The following GSE1 variants were observed in gnomAD, a reference collection of about 807,000 sequenced individuals.
The protein encoded by GSE1 is Gse1 coiled-coil protein, also known as genetic suppressor element 1.
A neutral mutation model predicts 112.6 loss-of-function variants in GSE1; 32 were observed. The observed-to-expected ratio is 0.28, with a 90% CI of 0.21 to 0.38. The LOEUF (loss-of-function observed/expected upper bound fraction) is 0.38, where lower values mean the gene tolerates loss of function less well. GSE1 is among the 10% of genes least tolerant of loss of function. The pLI is 1.00. For missense variants in GSE1, 2,348 were observed against 1,699.2 expected, an observed-to-expected ratio of 1.38 and a Z score of -6.71; for synonymous variants, 1,115 against 735.6, an observed-to-expected ratio of 1.52 and a Z score of -8.35.
At chr16:85,299,917 C>T (rs2045471907) in intron 1 of GSE1, among the ~76,000 whole-genome samples, 1 of 135,672 alleles carries the variant, frequency 7.4e-6, no homozygotes, top group Non-Finnish European at 1.5e-5. Flanking sequence ...GCCTGGGTGA[C>T]AGAGTGAGAC....
intron 1 of GSE1, chr16:85,306,167 AAG>A (rs2045672655): frequency 6.5e-6 from 1 of 154,186 alleles, no homozygotes; most frequent in Non-Finnish European, 1.5e-5. Context: ...CTGCTCTAGA[AAG>A]AGAGAACCTT....
At chr16:85,670,288 A>G (rs570308376) in intron 14 of GSE1, among the ~76,000 whole-genome samples, 2 of 152,256 alleles carry the variant, frequency 1.3e-5, no homozygotes, top group Admixed American at 6.5e-5. Context: ...AGTGCTGCCA[A>G]AGAGAGGCAC....
rs1321657827 is a variant in GSE1 at position 85,466,699 on chromosome 16, T to TAG, written c.2464+109057_2464+109058insGA. ...TTAAAAAAAAAAAGAAATATATATATATAGAGAGAGAGAGGGAGAGAGGGA... is the reference window on the plus strand; with the variant it reads ...TTAAAAAAAAAAAGAAATATATATATAGATAGAGAGAGAGAGGGAGAGAGGGA... On this transcript the variant is annotated intron_variant, in intron 2 of 2. Coordinates refer to the GSE1 transcript ENST00000637419. Among the ~76,000 whole-genome samples the TAG allele has an allele frequency of 1.2e-4, 14 of 121,248 alleles. 1 individual carries two copies. Among genetic ancestry groups the TAG allele is most frequent in the South Asian group, 1.0e-3 (4 of 3,882 alleles). The allele number at this position is 121,248 out of a possible 152,430, so 79.5% of individuals were successfully genotyped here. A position where few individuals can be genotyped will look rare whatever the true frequency, so the allele number is the denominator to read the frequency against.
intron 1 of GSE1, among the ~76,000 whole-genome samples, chr16:85,616,182 C>T (rs1598395388): frequency 6.6e-6 from 1 of 151,932 alleles, no homozygotes; most frequent in Non-Finnish European, 1.5e-5. Flanking sequence ...CCCTTCCAAC[C>T]CCTGGAGTCC....
At chr16:85,353,416 A>G (rs2046889631) in intron 1 of GSE1, among the ~76,000 whole-genome samples, 1 of 152,088 alleles carries the variant, frequency 6.6e-6, no homozygotes, top group Admixed American at 6.5e-5. Flanking sequence ...AGACCGTTTG[A>G]TGGACTGCCA....
At chr16:85,425,323 A>AGGTGGTGACG (rs56027378) in intron 2 of GSE1, among the ~76,000 whole-genome samples, 1 of 151,754 alleles carries the variant, frequency 6.6e-6, no homozygotes, top group Non-Finnish European at 1.5e-5. Flanking sequence ...AGGTGGTGAC[A>AGGTGGTGACG]GCAGGAAGCA....
rs549761537 is a variant in GSE1, at chr16:85,498,050, G to C, written c.2465-135864G>C. Among the ~76,000 whole-genome samples, 12 of 152,224 alleles carry C rather than the reference G, an allele frequency of 7.9e-5. No homozygotes were observed. The South Asian group carries it at 1.0e-3, about 13-fold the overall frequency. On this transcript the variant is annotated intron_variant, in intron 2 of 2. Coordinates refer to the GSE1 transcript ENST00000637419. ...CAGGAGCACCACACCTCAGTGGGGT[G>C]GGGGTGGGGTGGGTGCCTGGATCTG...
At chr16:85,652,311 C>G (rs947834203) in intron 3 of GSE1, among the ~76,000 whole-genome samples, 1 of 152,254 alleles carries the variant, frequency 6.6e-6, no homozygotes, top group Non-Finnish European at 1.5e-5. Flanking sequence ...GCCACTCCCC[C>G]ACTACCCCGG....
At chr16:85,648,946 A>T (rs2051107898) in intron 3 of GSE1, among the ~76,000 whole-genome samples, 195 bp downstream of exon 3, 1 of 152,024 alleles carries the variant, frequency 6.6e-6, no homozygotes, top group African/African-American at 2.4e-5. Flanking sequence ...GCGGGTGAGT[A>T]CATCGGCCCA....
intron 2 of GSE1, among the ~76,000 whole-genome samples, chr16:85,382,808 T>G (rs556953557): frequency 2.1e-5 from 3 of 145,992 alleles, no homozygotes; most frequent in African/African-American, 5.2e-5. Context: ...GCACACACAC[T>G]CATACACACA....
chr16:85,200,205 T>A (rs2075002678), intron 1 of GSE1, among the ~76,000 whole-genome samples: 1 of 152,110 alleles, frequency 6.6e-6, no homozygotes, highest in Non-Finnish European at 1.5e-5. Flanking sequence ...GGTTTGTCCT[T>A]GGGGCCCAGT....
intron 2 of GSE1, among the ~76,000 whole-genome samples, chr16:85,431,206 G>A (rs184897058): frequency 1.4e-4 from 21 of 152,300 alleles, no homozygotes; most frequent in South Asian, 4.1e-4. Context: ...CGTGAGGGGC[G>A]CGCAGGAGCC....
intron 1 of GSE1, chr16:85,284,942 G>A (rs2044973600): frequency 6.6e-6 from 1 of 152,202 alleles, no homozygotes; most frequent in African/African-American, 2.4e-5. Context: ...AACCTAGAGG[G>A]GACAATGGAA....
chr16:85,253,051 C>T (rs1313882222), intron 1 of GSE1, among the ~76,000 whole-genome samples: 18 of 64,140 alleles, frequency 2.8e-4, no homozygotes, highest in African/African-American at 1.3e-3. Flanking sequence ...AGCTCATAGG[C>T]GCCCCCGCCC....
intron 1 of GSE1, among the ~76,000 whole-genome samples, chr16:85,270,091 T>C (rs1908681816): frequency 6.7e-6 from 1 of 149,200 alleles, no homozygotes; most frequent in African/African-American, 2.4e-5. Context: ...CTATGTTACC[T>C]TCTGCTGTGG....
chr16:85,628,267 C>CTGA (rs2151698876), intron 1 of GSE1, among the ~76,000 whole-genome samples: 1 of 152,380 alleles, frequency 6.6e-6, no homozygotes, highest in East Asian at 1.9e-4. Flanking sequence ...TTTAAGTGAC[C>CTGA]TGACATCAGC....
intron 8 of GSE1, among the ~76,000 whole-genome samples, chr16:85,660,653 C>T (rs187445244): frequency 9.3e-5 from 14 of 150,254 alleles, no homozygotes; most frequent in Non-Finnish European, 1.3e-4. Flanking sequence ...TTTTTTGAGA[C>T]GGAGTCTTGC....
At chr16:85,505,950 G>A (rs1176623165) in intron 2 of GSE1, among the ~76,000 whole-genome samples, 4 of 151,838 alleles carry the variant, frequency 2.6e-5, no homozygotes, top group Non-Finnish European at 5.9e-5. Context: ...TCCAGCCTGG[G>A]GGAGACCCTG....
At chr16:85,230,140 G>T (rs1270028754) in intron 1 of GSE1, among the ~76,000 whole-genome samples, 3 of 152,226 alleles carry the variant, frequency 2.0e-5, no homozygotes, top group Non-Finnish European at 2.9e-5. Flanking sequence ...GGTGCTGTCT[G>T]CATTTTACAC....
Sources: allele counts gnomAD v4.1 joint callset (sites outside exome capture counted in the v4.1 genomes callset), GRCh38; gene constraint gnomAD v4.1.1; transcripts MANE v1.5; gene names NCBI Gene and HGNC (gene_info 2026-07-23, HGNC 2026-07-21).